AP4S1: variants seen among roughly 807,000 people sequenced by gnomAD.
The protein encoded by AP4S1 is AP-4 complex subunit sigma-1.
A neutral mutation model predicts 19.8 loss-of-function variants in AP4S1; 23 were observed. The ratio of observed to expected loss-of-function variants is 1.16; its 90% CI spans 0.84 to 1.65. The LOEUF (loss-of-function observed/expected upper bound fraction) is 1.65. Ranked by LOEUF, AP4S1 falls within the 40% of genes most tolerant of loss-of-function variation. AP4S1 has a pLI of 0.00. For missense variants in AP4S1, 166 were observed against 172.8 expected (o/e 0.96, Z 0.22); for synonymous variants, 46 against 54.1 (o/e 0.85, Z 0.66).
intron 1 of AP4S1, among the ~76,000 whole-genome samples, chr14:31,058,815 A>G (rs144475963): frequency 1.3e-5 from 2 of 150,020 alleles, no homozygotes; most frequent in East Asian, 3.9e-4. Context: ...GGCTCAAGCT[A>G]TCCTCCCACC....
intron 2 of AP4S1, among the ~76,000 whole-genome samples, chr14:31,067,167 C>T (rs1886762325): frequency 6.7e-6 from 1 of 150,008 alleles, no homozygotes; most frequent in Admixed American, 6.7e-5. Context: ...AAGATTGCTC[C>T]ATTGCTCTCC....
intron 1 of AP4S1, among the ~76,000 whole-genome samples, chr14:31,035,811 C>G (rs1349821027): frequency 3.3e-5 from 5 of 150,944 alleles, no homozygotes; most frequent in Admixed American, 6.6e-5. Flanking sequence ...CTCACTGCAA[C>G]TTCCGCCTCC....
chr14:31,039,572 G>GTTTTTTT lies in AP4S1; in HGVS notation c.-72+13797_-72+13803dup, dbSNP rs1398903989. ...TCTTAAATACAATAGGTGTAGTTTT[G>GTTTTTTT]TTTTTTTTTTTTTTTTTTGAGACGG... is the stretch of plus-strand genomic sequence containing the variant. On this transcript the variant is annotated intron_variant, in intron 1 of 5. Coordinates refer to ENST00000542754, the MANE Select transcript of AP4S1 (RefSeq NM_001128126.3). Among the ~76,000 whole-genome samples, 8 of 115,806 alleles carry GTTTTTTT rather than the reference G, an allele frequency of 6.9e-5. 1 individual carries two copies. Among genetic ancestry groups the GTTTTTTT allele is most frequent in the Admixed American group, 2.5e-4 (3 of 12,218 alleles). 76.0% of individuals were successfully genotyped at this position (115,806 alleles called of 152,430 possible). A position where few individuals can be genotyped will look rare whatever the true frequency, so the allele number is the denominator to read the frequency against.
intron 1 of AP4S1, among the ~76,000 whole-genome samples, chr14:31,051,827 A>T (rs1459755150): frequency 6.6e-6 from 1 of 152,060 alleles, no homozygotes; most frequent in Non-Finnish European, 1.5e-5. Flanking sequence ...CACCTGGCTA[A>T]TTTTTGTATT....
At chr14:31,085,582 TG>T in intron 5 of AP4S1, 1 of 927,422 alleles carries the variant, frequency 1.1e-6, no homozygotes, top group Non-Finnish European at 1.3e-6. Context: ...GAGACCAGCC[TG>T]GGCAACATAG....
At chr14:31,076,689 A>G (rs1043035346) in intron 4 of AP4S1, among the ~76,000 whole-genome samples, 1 of 152,186 alleles carries the variant, frequency 6.6e-6, no homozygotes, top group African/African-American at 2.4e-5. Flanking sequence ...CCCCCTTATC[A>G]GTAAATCAAT....
intron 4 of AP4S1, among the ~76,000 whole-genome samples, chr14:31,073,395 CAGG>C (rs1887154571): frequency 7.5e-6 from 1 of 134,070 alleles, no homozygotes; most frequent in Non-Finnish European, 1.7e-5. Context: ...GAGGCTGAGG[CAGG>C]AGAATGGCGT....
chr14:31,064,602 A>G (rs1447416640), intron 1 of AP4S1, among the ~76,000 whole-genome samples: 3 of 152,130 alleles, frequency 2.0e-5, no homozygotes, highest in African/African-American at 7.2e-5. Context: ...GATTACAGGC[A>G]TGAGCCACCG....
chr14:31,034,678 T>TGTGGTCTCG (rs1415717143), intron 1 of AP4S1, among the ~76,000 whole-genome samples: 4 of 147,416 alleles, frequency 2.7e-5, no homozygotes, highest in Non-Finnish European at 5.9e-5. Flanking sequence ...AGTGCAGTGG[T>TGTGGTCTCG]GTGGTCTCGG....
At chr14:31,038,210 A>G (rs930814414) in intron 1 of AP4S1, among the ~76,000 whole-genome samples, 3 of 152,160 alleles carry the variant, frequency 2.0e-5, no homozygotes, top group African/African-American at 7.2e-5. Flanking sequence ...GATTAGCTCA[A>G]CTTTCTAAAA....
chr14:31,035,801 C>T (rs376904154), intron 1 of AP4S1, among the ~76,000 whole-genome samples: 1 of 151,784 alleles, frequency 6.6e-6, no homozygotes, highest in African/African-American at 2.4e-5. Context: ...GCGATCTCGA[C>T]TCACTGCAAC....
intron 4 of AP4S1, among the ~76,000 whole-genome samples, chr14:31,077,048 G>GC (rs1887397455): frequency 1.3e-5 from 2 of 152,102 alleles, no homozygotes; most frequent in African/African-American, 4.8e-5. Flanking sequence ...TCATGCCTCA[G>GC]CCCCCCAAGT....
In AP4S1 at chr14:31,089,913, C is replaced by T. The variant is rs139196391; in HGVS notation, c.307-2994C>T. 3.6e-3 allele frequency among the ~76,000 whole-genome samples: 547 copies of T among 152,090 alleles called. 4 individuals carry two copies. The highest frequency in any genetic ancestry group is 0.024 in the Middle Eastern group (7 of 292). On this transcript the variant is annotated intron_variant, in intron 5 of 5. Transcript: ENST00000542754. Reference sequence around the variant, plus strand: ...TAGCCTGAGCAACAGAGAGAAGCTGCGTCTAAAAAAAGATAAAATTCCAAT... The same window carrying T: ...TAGCCTGAGCAACAGAGAGAAGCTGTGTCTAAAAAAAGATAAAATTCCAAT...
intron 1 of AP4S1, among the ~76,000 whole-genome samples, chr14:31,027,700 C>A (rs1481464825): frequency 6.6e-6 from 1 of 152,184 alleles, no homozygotes; most frequent in Non-Finnish European, 1.5e-5. Flanking sequence ...GTAACATATA[C>A]ATAAGAGACA....
intron 1 of AP4S1, among the ~76,000 whole-genome samples, chr14:31,032,776 C>T (rs145848124): frequency 0.016 from 2,440 of 152,124 alleles, 58 homozygotes; most frequent in African/African-American, 0.053. Context: ...CCTCATGATC[C>T]GCCCGCCTCG....
At chr14:31,027,076 TC>T (rs1301680457) in intron 1 of AP4S1, 3 of 147,698 alleles carry the variant, frequency 2.0e-5, no homozygotes, top group Non-Finnish European at 4.5e-5. Flanking sequence ...CCACTTTGCG[TC>T]CCCTCTTCTT....
intron 5 of AP4S1, among the ~76,000 whole-genome samples, chr14:31,082,013 A>G (rs1887663545): frequency 6.6e-6 from 1 of 152,138 alleles, no homozygotes; most frequent in African/African-American, 2.4e-5. Flanking sequence ...ATAAATTTAT[A>G]TATACACTTA....
At chr14:31,084,887 C>T (rs943852723) in intron 5 of AP4S1, 8 of 1,614,034 alleles carry the variant, frequency 5.0e-6, no homozygotes, top group Non-Finnish European at 5.9e-6. Context: ...TACTGAATAG[C>T]CAGGGGAGGG....
At chr14:31,030,084 G>A (rs768615385) in intron 1 of AP4S1, among the ~76,000 whole-genome samples, 18 of 151,624 alleles carry the variant, frequency 1.2e-4, no homozygotes, top group Admixed American at 2.6e-4. Flanking sequence ...CAGCTCAAGC[G>A]ATCCTCCCAC....
Sources: gnomAD v4.1 joint callset for allele counts (sites outside exome capture counted in the v4.1 genomes callset) on GRCh38, gnomAD v4.1.1 for gene constraint, MANE v1.5 for transcripts, NCBI Gene and HGNC (gene_info 2026-07-23, HGNC 2026-07-21) for gene names.